STK38: variants seen among roughly 807,000 people sequenced by gnomAD.
The protein encoded by STK38 is serine/threonine kinase 38.
Under a neutral mutation model 59.0 loss-of-function variants are expected in STK38, and 26 were observed. The observed-to-expected ratio is 0.44, with a 90% CI of 0.32 to 0.61. The LOEUF is 0.61. Ranked by LOEUF, STK38 falls within the 20% of genes least tolerant of loss-of-function variation. The probability of loss-of-function intolerance (pLI) is 0.04; values close to 1 mark genes in which losing one functional copy is unlikely to be tolerated. For missense variants in STK38, 433 were observed against 566.0 expected (o/e 0.76, Z 2.38); for synonymous variants, 175 against 176.6 (o/e 0.99, Z 0.07).
chr6:36,499,733 G>A (rs1776792730), intron 10 of STK38, 140 bp downstream of exon 10: 1 of 721,472 alleles, frequency 1.4e-6, no homozygotes, highest in Non-Finnish European at 2.5e-6. Flanking sequence ...TGAAAGAGGT[G>A]TCATCTGTCT....
chr6:36,546,273 T>C (rs1449029042), intron 1 of STK38, among the ~76,000 whole-genome samples: 3 of 152,230 alleles, frequency 2.0e-5, no homozygotes, highest in Non-Finnish European at 4.4e-5. Context: ...TAGGAGTTTA[T>C]GTGTGATGGG....
At chr6:36,513,839 A>G (rs1352969891) in intron 7 of STK38, among the ~76,000 whole-genome samples, 1 of 133,386 alleles carries the variant, frequency 7.5e-6, no homozygotes, top group South Asian at 2.6e-4. Flanking sequence ...CCTCATCTCT[A>G]CTAAAAATTA....
chr6:36,507,753 T>A (rs1777001833), intron 7 of STK38, 151 bp from the exon 8 acceptor site: 1 of 546,408 alleles, frequency 1.8e-6, no homozygotes, highest in Non-Finnish European at 3.3e-6. Flanking sequence ...TAATTGCAGA[T>A]AAATTTTTTA....
intron 2 of STK38, among the ~76,000 whole-genome samples, chr6:36,530,673 CT>C (rs1777645120): frequency 1.4e-5 from 2 of 147,988 alleles, no homozygotes; most frequent in Admixed American, 1.4e-4. Flanking sequence ...GGCCTTTTTC[CT>C]TTTTTTCTTT....
intron 2 of STK38, among the ~76,000 whole-genome samples, chr6:36,532,309 T>TAAA (rs1359068323): frequency 4.4e-5 from 3 of 67,506 alleles, no homozygotes; most frequent in Non-Finnish European, 9.6e-5. Context: ...CTTGTCTGCA[T>TAAA]AAAAAAAAAA....
intron 2 of STK38, among the ~76,000 whole-genome samples, chr6:36,538,324 A>C (rs1777848070): frequency 6.6e-6 from 1 of 152,104 alleles, no homozygotes; most frequent in Admixed American, 6.6e-5. Context: ...AAAAAGAAAA[A>C]AAAAAAATCA....
At chr6:36,538,609 A>G (rs919359157) in intron 2 of STK38, among the ~76,000 whole-genome samples, 4 of 152,146 alleles carry the variant, frequency 2.6e-5, no homozygotes, top group Non-Finnish European at 4.4e-5. Context: ...AAGTGAGGCA[A>G]AAAATTAAGA....
At chr6:36,520,960 A>G (rs899336377) in intron 5 of STK38, among the ~76,000 whole-genome samples, 1 of 152,168 alleles carries the variant, frequency 6.6e-6, no homozygotes, top group African/African-American at 2.4e-5. Flanking sequence ...CCATGTTCCT[A>G]TAACATCAAA....
At chr6:36,529,612 C>T (rs1777618442) in intron 2 of STK38, among the ~76,000 whole-genome samples, 1 of 152,138 alleles carries the variant, frequency 6.6e-6, no homozygotes, top group Non-Finnish European at 1.5e-5. Flanking sequence ...CATTTAGTTG[C>T]GTGTGTGTTC....
intron 1 of STK38, among the ~76,000 whole-genome samples, chr6:36,544,389 CTTAT>C (rs1339677599): frequency 6.6e-6 from 1 of 151,858 alleles, no homozygotes. Flanking sequence ...GGTGTGGTTC[CTTAT>C]TTGTCAGCCT....
At chr6:36,497,938 C>CTTTTTTTT in intron 11 of STK38, 63 bp from the exon 12 acceptor site, 1 of 655,888 alleles carries the variant, frequency 1.5e-6, no homozygotes, top group Non-Finnish European at 2.3e-6. Context: ...GAAAAACTTT[C>CTTTTTTTT]TTTTTTTTTT....
intron 7 of STK38, among the ~76,000 whole-genome samples, chr6:36,510,293 G>C (rs1777076429): frequency 6.6e-6 from 1 of 152,234 alleles, no homozygotes; most frequent in Non-Finnish European, 1.5e-5. Context: ...GAGGCTGCAG[G>C]GGGCTAGTGT....
rs1214217676 is a variant in STK38 at position 36,538,891 on chromosome 6, CAAAAAAAAA to C, written c.131+1172_131+1180del. ...TGGGTGACAGAACAAGACTCTGTCT[CAAAAAAAAA>C]AAAAAAAAAAAAGGAAATTAAGATG... On this transcript the variant is annotated intron_variant, in intron 2 of 13. Coordinates refer to ENST00000229812, the MANE Select transcript of STK38 (RefSeq NM_007271.4). 1.3e-3 allele frequency among the ~76,000 whole-genome samples: 70 copies of C among 54,146 alleles called. No homozygotes were observed. The East Asian group carries it at 0.032, about 25-fold the overall frequency. The allele number at this position is 54,146 out of a possible 152,430, so 35.5% of individuals were successfully genotyped here. A position where few individuals can be genotyped will look rare whatever the true frequency, so the allele number is the denominator to read the frequency against.
At chr6:36,540,966 T>C (rs914392267) in intron 1 of STK38, among the ~76,000 whole-genome samples, 5 of 152,100 alleles carry the variant, frequency 3.3e-5, no homozygotes, top group African/African-American at 1.2e-4. Context: ...TGGCGCGATC[T>C]CCGCTCATTG....
At chr6:36,508,744 G>C (rs1271327497) in intron 7 of STK38, among the ~76,000 whole-genome samples, 1 of 152,256 alleles carries the variant, frequency 6.6e-6, no homozygotes, top group Non-Finnish European at 1.5e-5. Flanking sequence ...GAGTGGCAAG[G>C]CGTGTGTGAG....
chr6:36,509,565 T>G (rs914212276), intron 7 of STK38, among the ~76,000 whole-genome samples: 32 of 137,028 alleles, frequency 2.3e-4, no homozygotes, highest in Non-Finnish European at 4.5e-4. Context: ...CCTCGGAACC[T>G]GGACTTTAAT....
At chr6:36,500,501 C>T (rs540978886) in intron 9 of STK38, among the ~76,000 whole-genome samples, 1 of 152,008 alleles carries the variant, frequency 6.6e-6, no homozygotes, top group African/African-American at 2.4e-5. Flanking sequence ...GTGGTTCACG[C>T]CTGTAATCCC....
chr6:36,539,978 C>A, intron 2 of STK38, 94 bp downstream of exon 2: 1 of 1,553,900 alleles, frequency 6.4e-7, no homozygotes, highest in Non-Finnish European at 8.7e-7. Context: ...AAGGCTGCTA[C>A]TATTCTTGTC....
At chr6:36,541,953 C>T (rs541756315) in intron 1 of STK38, among the ~76,000 whole-genome samples, 2 of 151,868 alleles carry the variant, frequency 1.3e-5, no homozygotes, top group African/African-American at 2.4e-5. Context: ...CTCAGCCTCC[C>T]AAGTAGTTAA....
Sources: allele counts gnomAD v4.1 joint callset (sites outside exome capture counted in the v4.1 genomes callset), GRCh38; gene constraint gnomAD v4.1.1; transcripts MANE v1.5; gene names NCBI Gene and HGNC (gene_info 2026-07-23, HGNC 2026-07-21).